The following FNBP1L variants were observed in gnomAD, a reference collection of about 807,000 sequenced individuals.
FNBP1L encodes formin-binding protein 1-like.
Under a neutral mutation model 91.2 loss-of-function variants are expected in FNBP1L, and 36 were observed. The observed-to-expected ratio is 0.39, with a 90% CI of 0.30 to 0.52. FNBP1L has a LOEUF of 0.52. Among genes scored for constraint, FNBP1L ranks in the 20% least tolerant of loss-of-function variants. The pLI is 0.66. For synonymous variants in FNBP1L, 242 were observed against 237.0 expected, an observed-to-expected ratio of 1.02 and a Z score of -0.19; for missense variants, 571 against 732.1, an observed-to-expected ratio of 0.78 and a Z score of 2.54.
chr1:93,480,723 C>T (rs1039042924), intron 1 of FNBP1L, among the ~76,000 whole-genome samples: 9 of 152,078 alleles, frequency 5.9e-5, no homozygotes, highest in Admixed American at 2.0e-4. Flanking sequence ...CCACCACGCC[C>T]GGCTAATTTT....
intron 1 of FNBP1L, among the ~76,000 whole-genome samples, chr1:93,482,184 A>G (rs1423901279): frequency 6.6e-6 from 1 of 152,120 alleles, no homozygotes; most frequent in Non-Finnish European, 1.5e-5. Flanking sequence ...ATAAGTAAAA[A>G]ATAAATAAAT....
chr1:93,547,717 G>A (rs1443736080), intron 14 of FNBP1L, among the ~76,000 whole-genome samples: 1 of 152,022 alleles, frequency 6.6e-6, no homozygotes, highest in East Asian at 1.9e-4. Context: ...AGGCTCCTCG[G>A]GCATGGGAAG....
intron 1 of FNBP1L, among the ~76,000 whole-genome samples, chr1:93,461,513 A>G (rs888058855): frequency 4.6e-5 from 7 of 152,138 alleles, no homozygotes; most frequent in African/African-American, 1.4e-4. Context: ...ATAAGGTGAT[A>G]GTTGCAGTTC....
chr1:93,467,674 C>A (rs1019080777), intron 1 of FNBP1L, among the ~76,000 whole-genome samples: 11 of 152,052 alleles, frequency 7.2e-5, no homozygotes, highest in African/African-American at 2.7e-4. Flanking sequence ...ACTTAGGAGG[C>A]TGAGGTGGGA....
intron 12 of FNBP1L, among the ~76,000 whole-genome samples, chr1:93,544,810 G>A (rs1026331481): frequency 6.6e-6 from 1 of 152,110 alleles, no homozygotes; most frequent in Non-Finnish European, 1.5e-5. Flanking sequence ...AAGTTTTGAT[G>A]CTAAGAATTA....
At chr1:93,522,231 G>T (rs1671353561) in intron 3 of FNBP1L, 96 bp downstream of exon 3, 1 of 535,526 alleles carries the variant, frequency 1.9e-6, no homozygotes, top group Non-Finnish European at 2.8e-6. Flanking sequence ...TTTTTATAAA[G>T]ATTTTATAAA....
chr1:93,455,233 A>G (rs1668621491), intron 1 of FNBP1L, among the ~76,000 whole-genome samples: 1 of 151,744 alleles, frequency 6.6e-6, no homozygotes, highest in Admixed American at 6.6e-5. Flanking sequence ...TGGCCTGTTT[A>G]TTTTGCTGGA....
intron 1 of FNBP1L, among the ~76,000 whole-genome samples, chr1:93,497,436 A>G (rs72721023): frequency 0.014 from 2,169 of 152,234 alleles, 19 homozygotes; most frequent in Non-Finnish European, 0.021. Flanking sequence ...AATTTTTTGC[A>G]TTGATGGTGT....
At chr1:93,515,692 C>A (rs182250980) in intron 2 of FNBP1L, among the ~76,000 whole-genome samples, 4,380 of 146,242 alleles carry the variant, frequency 0.03, 201 homozygotes, top group African/African-American at 0.1. Context: ...GCATATTCTC[C>A]CTCATAGGTG....
intron 2 of FNBP1L, among the ~76,000 whole-genome samples, chr1:93,507,546 C>G (rs528408102): frequency 1.1e-3 from 169 of 152,274 alleles, no homozygotes; most frequent in Non-Finnish European, 1.8e-3. Context: ...CCATTCATGC[C>G]TTTGTATGAC....
At chr1:93,465,024 G>A (rs1357031381) in intron 1 of FNBP1L, among the ~76,000 whole-genome samples, 2 of 152,146 alleles carry the variant, frequency 1.3e-5, no homozygotes, top group Non-Finnish European at 2.9e-5. Context: ...GTAGAAGTTT[G>A]AGGCTAAAAA....
chr1:93,483,034 C>A (rs114936484), intron 1 of FNBP1L, among the ~76,000 whole-genome samples: 1,469 of 130,256 alleles, frequency 0.011, 11 homozygotes, highest in Middle Eastern at 0.04. Context: ...ACAAAAAAAA[C>A]AAAAAACAAA....
At chr1:93,471,053 A>G (rs61780647) in intron 1 of FNBP1L, among the ~76,000 whole-genome samples, 15,391 of 152,184 alleles carry the variant, frequency 0.1, 1,142 homozygotes, top group East Asian at 0.32. Context: ...CAAAATTACA[A>G]ATACTGCAGT....
chr1:93,465,386 A>C (rs1401867290), intron 1 of FNBP1L, among the ~76,000 whole-genome samples: 5 of 148,388 alleles, frequency 3.4e-5, no homozygotes, highest in African/African-American at 1.0e-4. Flanking sequence ...GCGGTGTGTG[A>C]TGTTCACCGC....
intron 1 of FNBP1L, among the ~76,000 whole-genome samples, chr1:93,480,253 C>G (rs955134026): frequency 6.6e-6 from 1 of 152,160 alleles, no homozygotes; most frequent in African/African-American, 2.4e-5. Flanking sequence ...AATGAGTAAA[C>G]CTCTAGTGGC....
At chr1:93,475,183 A>G (rs1012458381) in intron 1 of FNBP1L, among the ~76,000 whole-genome samples, 1 of 152,188 alleles carries the variant, frequency 6.6e-6, no homozygotes. Flanking sequence ...TGAAAGAAGT[A>G]AAATATACTC....
intron 14 of FNBP1L, among the ~76,000 whole-genome samples, chr1:93,548,726 C>T (rs765411223): frequency 7.9e-5 from 12 of 152,068 alleles, no homozygotes; most frequent in South Asian, 4.1e-4. Flanking sequence ...CTGCAGGTTT[C>T]GAGTCCAGTA....
intron 2 of FNBP1L, among the ~76,000 whole-genome samples, chr1:93,513,330 T>G (rs1021460879): frequency 7.2e-5 from 11 of 151,898 alleles, no homozygotes; most frequent in African/African-American, 2.7e-4. Context: ...AGCCGAATTC[T>G]ACCAGAGGTA....
At chr1:93,495,662 C>A (rs1422713568) in intron 1 of FNBP1L, among the ~76,000 whole-genome samples, 2 of 152,006 alleles carry the variant, frequency 1.3e-5, no homozygotes, top group African/African-American at 4.8e-5. Flanking sequence ...TGACATTTTT[C>A]TTTAACTAGT....
Sources: gnomAD v4.1 joint callset for allele counts (sites outside exome capture counted in the v4.1 genomes callset) on GRCh38, gnomAD v4.1.1 for gene constraint, MANE v1.5 for transcripts, NCBI Gene and HGNC (gene_info 2026-07-23, HGNC 2026-07-21) for gene names.